Variants in KIF5C observed in about 807,000 individuals in gnomAD.
The protein encoded by KIF5C is kinesin heavy chain isoform 5C.
In KIF5C, 18 loss-of-function variants were observed where a neutral mutation model predicts 125.2. That is an observed-to-expected ratio of 0.14 (90% CI 0.10 to 0.21). KIF5C has a LOEUF of 0.21. Among genes scored for constraint, KIF5C ranks in the 10% least tolerant of loss-of-function variants. KIF5C has a pLI of 1.00. For missense variants in KIF5C, 780 were observed against 1,183.8 expected (o/e 0.66, Z 5.01); for synonymous variants, 405 against 434.0 (o/e 0.93, Z 0.83).
rs1682613129 is a variant in KIF5C at position 149,024,107 on chromosome 2, C to CA, written c.*1037_*1038insA. 1 of 152,424 alleles carries CA rather than the reference C, an allele frequency of 6.6e-6. No individual in the cohort carries two copies. 9.4% of individuals were successfully genotyped at this position (152,424 alleles called of 1,614,324 possible). The stretch of plus-strand genomic sequence containing the variant: ...AGTTATTATTTTAACCCATAATTGG[C>CA]GACTGTTTATATGAATTCTTTCTTT... On this transcript the variant is annotated 3_prime_UTR_variant, in exon 26 of 26. Coordinates refer to ENST00000435030, the MANE Select transcript of KIF5C (RefSeq NM_004522.3).
chr2:149,021,166 G>A (rs773050385), intron 25 of KIF5C, among the ~76,000 whole-genome samples: 1 of 152,132 alleles, frequency 6.6e-6, no homozygotes, highest in African/African-American at 2.4e-5. Flanking sequence ...AGGTTCAAGC[G>A]ATTCTCCTGT....
intron 1 of KIF5C, among the ~76,000 whole-genome samples, chr2:148,906,834 C>T (rs893780669): frequency 2.0e-5 from 3 of 152,060 alleles, no homozygotes; most frequent in Non-Finnish European, 4.4e-5. Flanking sequence ...CCACTGCACT[C>T]CAGCCTGGGC....
intron 10 of KIF5C, among the ~76,000 whole-genome samples, chr2:148,959,739 C>T (rs1439431688): frequency 6.6e-6 from 1 of 152,116 alleles, no homozygotes; most frequent in Non-Finnish European, 1.5e-5. Context: ...GCAATGGGCT[C>T]CTTTTCCTCT....
At chr2:148,899,702 C>CAAAAAAAAAAAAAA (rs771196518) in intron 1 of KIF5C, among the ~76,000 whole-genome samples, 1 of 46,070 alleles carries the variant, frequency 2.2e-5, no homozygotes, top group Non-Finnish European at 4.7e-5. Context: ...AACTCCATCT[C>CAAAAAAAAAAAAAA]AAAAAAAAAA....
chr2:148,898,643 AC>A (rs1267382107), intron 1 of KIF5C, among the ~76,000 whole-genome samples: 4 of 152,188 alleles, frequency 2.6e-5, no homozygotes, highest in Non-Finnish European at 4.4e-5. Flanking sequence ...GCCAAGGAAT[AC>A]AGGCGGCCGC....
intron 11 of KIF5C, among the ~76,000 whole-genome samples, chr2:148,971,298 A>G (rs201123716): frequency 0.012 from 1,412 of 122,688 alleles, 10 homozygotes; most frequent in African/African-American, 0.024. Context: ...CTGTCTATCT[A>G]TCTATCTATC....
rs766023949 is a variant in KIF5C, at chr2:148,994,707, CT to C, written c.2023+182del. Among the ~76,000 whole-genome samples the C allele has an allele frequency of 2.8e-3, 407 of 143,596 alleles. No homozygotes were observed. The highest frequency in any genetic ancestry group is 3.1e-3 in the Admixed American group (45 of 14,360). 94.2% of individuals were successfully genotyped at this position (143,596 alleles called of 152,430 possible). A position where few individuals can be genotyped will look rare whatever the true frequency, so the allele number is the denominator to read the frequency against. On this transcript the variant is annotated intron_variant, in intron 17 of 25. Transcript: ENST00000435030. ...AGCGATTTCTTTTCTTTCTTTCTTT[CT>C]TTTTTTTTTTTTAAGATGGAGTCTC...
intron 1 of KIF5C, among the ~76,000 whole-genome samples, chr2:148,897,428 A>G (rs1680718725): frequency 6.6e-6 from 1 of 152,158 alleles, no homozygotes. Flanking sequence ...GGACATCAAA[A>G]TCTTATTTTT....
In KIF5C at chr2:149,025,769, G is replaced by A. The variant is rs1378730182; in HGVS notation, c.*2699G>A. On this transcript the variant is annotated 3_prime_UTR_variant, in exon 26 of 26. Coordinates refer to ENST00000435030, the MANE Select transcript of KIF5C (RefSeq NM_004522.3). ...TGTTGTTTGAGATATCAAGATTTATGTCTGGGAACTAAAATATATAATGCC... is the reference window on the plus strand; with the variant it reads ...TGTTGTTTGAGATATCAAGATTTATATCTGGGAACTAAAATATATAATGCC... 1 of 152,496 alleles carries A rather than the reference G, an allele frequency of 6.6e-6. No individual in the cohort carries two copies. Among genetic ancestry groups the A allele is most frequent in the Non-Finnish European group, 1.5e-5 (1 of 68,036 alleles). The allele number at this position is 152,496 out of a possible 1,614,324, so 9.4% of individuals were successfully genotyped here. A position where few individuals can be genotyped will look rare whatever the true frequency, so the allele number is the denominator to read the frequency against.
intron 1 of KIF5C, among the ~76,000 whole-genome samples, chr2:148,917,440 T>C (rs544288838): frequency 6.6e-6 from 1 of 152,342 alleles, no homozygotes; most frequent in African/African-American, 2.4e-5. Flanking sequence ...CCCTAAGTAA[T>C]AGAGCAGATA....
At chr2:148,940,130 A>G (rs1490023439) in intron 4 of KIF5C, among the ~76,000 whole-genome samples, 1 of 152,242 alleles carries the variant, frequency 6.6e-6, no homozygotes, top group African/African-American at 2.4e-5. Context: ...TGAACATCAG[A>G]CAATTCTGAA....
chr2:148,933,289 A>G (rs1190405487), intron 3 of KIF5C, among the ~76,000 whole-genome samples: 1 of 152,042 alleles, frequency 6.6e-6, no homozygotes, highest in Non-Finnish European at 1.5e-5. Context: ...GAATTTCTAT[A>G]GCTCTCGGCT....
intron 11 of KIF5C, among the ~76,000 whole-genome samples, chr2:148,966,507 G>A (rs577716357): frequency 5.9e-5 from 9 of 152,260 alleles, no homozygotes; most frequent in Non-Finnish European, 1.0e-4. Flanking sequence ...CCAGCTGGCA[G>A]TGTTGGGACT....
intron 6 of KIF5C, 127 bp downstream of exon 6, chr2:148,942,117 T>A: frequency 9.7e-7 from 1 of 1,032,142 alleles, no homozygotes; most frequent in Non-Finnish European, 1.4e-6. Flanking sequence ...GCTCCTTATA[T>A]TTAATATTCA....
At chr2:148,996,279 A>T (rs1173127022) in intron 17 of KIF5C, among the ~76,000 whole-genome samples, 1 of 152,238 alleles carries the variant, frequency 6.6e-6, no homozygotes, top group Non-Finnish European at 1.5e-5. Context: ...GTTGTTTTAC[A>T]GTTTGCTCAG....
At chr2:149,000,337 G>T in intron 19 of KIF5C, 86 bp from the exon 20 acceptor site, 1 of 1,484,818 alleles carries the variant, frequency 6.7e-7, no homozygotes, top group Non-Finnish European at 9.1e-7. Flanking sequence ...AGAGCTAATA[G>T]GGTTGGAACA....
intron 1 of KIF5C, among the ~76,000 whole-genome samples, chr2:148,885,317 C>T (rs1681485539): frequency 6.6e-6 from 1 of 152,146 alleles, no homozygotes; most frequent in African/African-American, 2.4e-5. Context: ...TTGTAATCCA[C>T]CAGTGCCAGT....
chr2:148,933,213 T>C lies in KIF5C; in HGVS notation c.291+3859T>C, dbSNP rs927633377. On this transcript the variant is annotated intron_variant, in intron 3 of 25. Coordinates refer to ENST00000435030, the MANE Select transcript of KIF5C (RefSeq NM_004522.3). ...CTTAACCATTCTTCAAGATTTGGTG[T>C]CCCTCAAGCAAGCCATCCCATATTA... is the stretch of plus-strand genomic sequence containing the variant. 9.2e-5 allele frequency among the ~76,000 whole-genome samples: 14 copies of C among 152,212 alleles called. No individual in the cohort carries two copies. In the South Asian group the frequency reaches 2.3e-3, roughly 25 times the overall value.
intron 11 of KIF5C, among the ~76,000 whole-genome samples, chr2:148,968,552 C>T (rs1558923313): frequency 6.6e-6 from 1 of 152,048 alleles, no homozygotes; most frequent in African/African-American, 2.4e-5. Context: ...GAGAACACAA[C>T]CAAACTCTGT....
Sources: gnomAD v4.1 joint callset for allele counts (sites outside exome capture counted in the v4.1 genomes callset) on GRCh38, gnomAD v4.1.1 for gene constraint, MANE v1.5 for transcripts, NCBI Gene and HGNC (gene_info 2026-07-23, HGNC 2026-07-21) for gene names.